DAAM2: variants seen among roughly 807,000 people sequenced by gnomAD.
DAAM2 encodes disheveled-associated activator of morphogenesis 2.
Under a neutral mutation model 120.7 loss-of-function variants are expected in DAAM2, and 39 were observed. The observed-to-expected ratio is 0.32, with a 90% confidence interval of 0.25 to 0.42. The LOEUF is 0.42. Among genes scored for constraint, DAAM2 ranks in the 10% least tolerant of loss-of-function variants. DAAM2 has a pLI of 1.00. For synonymous variants in DAAM2, 488 were observed against 524.9 expected, an observed-to-expected ratio of 0.93 and a Z score of 0.96; for missense variants, 1,283 against 1,401.7, an observed-to-expected ratio of 0.92 and a Z score of 1.35.
intron 19 of DAAM2, among the ~76,000 whole-genome samples, chr6:39,896,544 A>C (rs1248563186): frequency 6.6e-6 from 1 of 152,120 alleles, no homozygotes; most frequent in Non-Finnish European, 1.5e-5. Context: ...AGATCTTCTG[A>C]AATTGTCTTC....
At chr6:39,840,364 G>A (rs150866812) in intron 1 of DAAM2, among the ~76,000 whole-genome samples, 8 of 152,338 alleles carry the variant, frequency 5.3e-5, no homozygotes, top group Non-Finnish European at 1.2e-4. Flanking sequence ...AAATTGGGAT[G>A]CTAATACCCA....
chr6:39,866,659 A>T (rs984878832), intron 5 of DAAM2, among the ~76,000 whole-genome samples: 2 of 152,254 alleles, frequency 1.3e-5, no homozygotes, highest in African/African-American at 4.8e-5. Flanking sequence ...AAATAATAAA[A>T]ATGAGATAGC....
chr6:39,888,772 C>T lies in DAAM2; in HGVS notation c.2145+9C>T. On this transcript the variant is annotated intron_variant, in intron 17 of 24. Coordinates refer to ENST00000274867, the MANE Select transcript of DAAM2 (RefSeq NM_001201427.2). ...AGGACATGCTGGAGCAGGTGAGGAC[C>T]CTCGTGGGAAGGAAGGGGAACTGAA... The T allele has an allele frequency of 1.2e-6, 2 of 1,608,670 alleles. No homozygotes were observed. The highest frequency in any genetic ancestry group is 2.2e-5 in the East Asian group (1 of 44,824).
chr6:39,827,625 T>C (rs992500087), intron 1 of DAAM2, among the ~76,000 whole-genome samples: 1 of 152,176 alleles, frequency 6.6e-6, no homozygotes, highest in African/African-American at 2.4e-5. Flanking sequence ...AAACAGTGGC[T>C]GGAGGATTCT....
chr6:39,799,385 G>C (rs1242460063), intron 1 of DAAM2, among the ~76,000 whole-genome samples: 1 of 152,146 alleles, frequency 6.6e-6, no homozygotes, highest in Non-Finnish European at 1.5e-5. Context: ...TAGAAATATG[G>C]CCACAAATAA....
At position 39,903,684 on chromosome 6, in the gene DAAM2, C is replaced by G; in HGVS notation, c.*1647C>G. 1.2e-5 allele frequency: 2 copies of G among 164,140 alleles called. No individual in the cohort carries two copies. The highest frequency in any genetic ancestry group is 5.7e-5 in the Admixed American group (1 of 17,560). 10.2% of individuals were successfully genotyped at this position (164,140 alleles called of 1,614,324 possible). A position where few individuals can be genotyped will look rare whatever the true frequency, so the allele number is the denominator to read the frequency against. On this transcript the variant is annotated 3_prime_UTR_variant, in exon 25 of 25. Coordinates refer to ENST00000274867, the MANE Select transcript of DAAM2 (RefSeq NM_001201427.2). Reference sequence around the variant, plus strand: ...TGGAGACTGGTGAGCTGGGCCTACTCTCAGCTGCCTATCTTCTGCCTTTCA... The same window carrying G: ...TGGAGACTGGTGAGCTGGGCCTACTGTCAGCTGCCTATCTTCTGCCTTTCA...
intron 14 of DAAM2, among the ~76,000 whole-genome samples, chr6:39,882,590 C>T (rs983096188): frequency 2.0e-5 from 3 of 152,048 alleles, no homozygotes; most frequent in Non-Finnish European, 2.9e-5. Context: ...CCAGCGCCGT[C>T]CCTGCCTTCC....
chr6:39,810,484 G>A (rs1311912170), intron 1 of DAAM2, among the ~76,000 whole-genome samples: 1 of 152,182 alleles, frequency 6.6e-6, no homozygotes, highest in East Asian at 1.9e-4. Flanking sequence ...GTTGCTGTGG[G>A]TGCTCCAGCT....
At chr6:39,811,818 C>T (rs1225954920) in intron 1 of DAAM2, among the ~76,000 whole-genome samples, 10 of 152,054 alleles carry the variant, frequency 6.6e-5, no homozygotes, top group African/African-American at 2.4e-4. Context: ...CTGGCTTTCT[C>T]CAGGATGGCT....
chr6:39,893,300 A>G (rs1562061136), intron 19 of DAAM2, among the ~76,000 whole-genome samples: 1 of 152,224 alleles, frequency 6.6e-6, no homozygotes, highest in Non-Finnish European at 1.5e-5. Flanking sequence ...GCGGATCACA[A>G]GGTCAGGAGA....
At chr6:39,856,966 C>T (rs1193220459) in intron 2 of DAAM2, among the ~76,000 whole-genome samples, 2 of 152,142 alleles carry the variant, frequency 1.3e-5, no homozygotes, top group Non-Finnish European at 2.9e-5. Context: ...TATGTCATGC[C>T]TGGGGTCCCA....
intron 2 of DAAM2, among the ~76,000 whole-genome samples, chr6:39,860,339 G>T (rs1244992007): frequency 6.6e-6 from 1 of 152,194 alleles, no homozygotes; most frequent in Non-Finnish European, 1.5e-5. Flanking sequence ...CCGGGGCATG[G>T]CTCGCCCATC....
chr6:39,898,212 C>T (rs1259933209), intron 21 of DAAM2, among the ~76,000 whole-genome samples: 2 of 152,220 alleles, frequency 1.3e-5, no homozygotes, highest in African/African-American at 4.8e-5. Context: ...AGTTTTCCCA[C>T]CCAAAGGGCA....
intron 1 of DAAM2, among the ~76,000 whole-genome samples, chr6:39,849,389 A>G (rs905140828): frequency 4.6e-5 from 7 of 152,358 alleles, no homozygotes; most frequent in Non-Finnish European, 8.8e-5. Flanking sequence ...ACATTCAGGT[A>G]TCTTCGCAAG....
At chr6:39,879,590 G>C (rs1208889797) in intron 14 of DAAM2, 113 bp downstream of exon 14, 1 of 1,409,746 alleles carries the variant, frequency 7.1e-7, no homozygotes, top group African/African-American at 1.4e-5. Context: ...TTCTTTGGTG[G>C]GGGGTAAGGG....
intron 1 of DAAM2, among the ~76,000 whole-genome samples, chr6:39,806,139 A>C (rs2114030477): frequency 6.6e-6 from 1 of 152,324 alleles, no homozygotes; most frequent in Non-Finnish European, 1.5e-5. Context: ...AGGATCTAGA[A>C]GTGAAGATTA....
Position 39,878,369 on chromosome 6 carries a change from CTTCT to C in DAAM2, c.1361-34_1361-31del. 1 of 1,609,198 alleles carries C rather than the reference CTTCT, an allele frequency of 6.2e-7. No homozygotes were observed. The highest frequency in any genetic ancestry group is 8.5e-7 in the Non-Finnish European group (1 of 1,177,154). ...GGAGTCACATTACTCACATTCTCTC[CTTCT>C]GTTTCCTCTCCCGTCCCACCCCCAT... On this transcript the variant is annotated intron_variant, in intron 12 of 24. Coordinates refer to ENST00000274867, the MANE Select transcript of DAAM2 (RefSeq NM_001201427.2). The surrounding 1 kb of genome is among the most constrained non-coding windows in gnomAD (Gnocchi z 5.0).
intron 22 of DAAM2, 171 bp downstream of exon 22, chr6:39,899,108 T>A: frequency 1.6e-6 from 1 of 616,584 alleles, no homozygotes; most frequent in East Asian, 2.8e-5. Context: ...TTGAGCCTTT[T>A]AAAAGGGGTT....
chr6:39,882,637 A>G (rs1370225633), intron 14 of DAAM2, among the ~76,000 whole-genome samples: 1 of 150,104 alleles, frequency 6.7e-6, no homozygotes, highest in Non-Finnish European at 1.5e-5. Flanking sequence ...TGCCTCCCAC[A>G]CCCCTTTCCA....
Sources: allele counts gnomAD v4.1 joint callset (sites outside exome capture counted in the v4.1 genomes callset), GRCh38; gene constraint gnomAD v4.1.1; non-coding constraint Gnocchi (gnomAD v3.1); transcripts MANE v1.5; gene names NCBI Gene and HGNC (gene_info 2026-07-23, HGNC 2026-07-21).